MITF: variants seen among roughly 807,000 people sequenced by gnomAD.
MITF encodes the protein microphthalmia-associated transcription factor.
Under a neutral mutation model 60.5 loss-of-function variants are expected in MITF, and 17 were observed. The ratio of observed to expected loss-of-function variants is 0.28; its 90% CI spans 0.19 to 0.42. MITF has a LOEUF of 0.42. Ranked by LOEUF, MITF falls within the 10% of genes least tolerant of loss-of-function variation. The pLI is 1.00. For synonymous variants in MITF, 260 were observed against 248.5 expected (o/e 1.05, Z -0.43); for missense variants, 622 against 683.5 (o/e 0.91, Z 1.00).
rs144270663 is a variant in MITF, at chr3:69,913,566, A to G, written c.355-24256A>G. Among the ~76,000 whole-genome samples the G allele has an allele frequency of 3.8e-3, 583 of 152,344 alleles. 1 individual carries two copies. The highest frequency in any genetic ancestry group is 5.5e-3 in the Non-Finnish European group (371 of 68,020). ...AGTTGAGTTTGCATGAAGGTGACTC[A>G]GATTTCAGCCCTTGAGGTGCCTGAT... On this transcript the variant is annotated intron_variant, in intron 2 of 9. Coordinates refer to ENST00000352241, the MANE Select transcript of MITF (RefSeq NM_001354604.2).
At chr3:69,861,972 C>T (rs1392955942) in intron 1 of MITF, among the ~76,000 whole-genome samples, 2 of 151,756 alleles carry the variant, frequency 1.3e-5, no homozygotes, top group African/African-American at 4.8e-5. Context: ...CTTCTTTATT[C>T]AATAAATAAA....
chr3:69,792,755 T>A (rs59913237), intron 1 of MITF, among the ~76,000 whole-genome samples: 51,889 of 151,850 alleles, frequency 0.34, 9,655 homozygotes, highest in Non-Finnish European at 0.42. Flanking sequence ...AATGGCTAAT[T>A]TTTTTAATAG....
At chr3:69,947,608 A>G (rs747198878) in intron 5 of MITF, among the ~76,000 whole-genome samples, 3 of 152,116 alleles carry the variant, frequency 2.0e-5, no homozygotes, top group Non-Finnish European at 4.4e-5. Flanking sequence ...GTGCCTGTGT[A>G]TGGGGGTATG....
At chr3:69,817,279 C>G (rs1395063080) in intron 1 of MITF, among the ~76,000 whole-genome samples, 1 of 152,008 alleles carries the variant, frequency 6.6e-6, no homozygotes, top group Non-Finnish European at 1.5e-5. Flanking sequence ...CTGTCTCACC[C>G]CCTCAAAAGC....
chr3:69,897,200 G>C (rs1461401245), intron 2 of MITF, among the ~76,000 whole-genome samples: 1 of 152,116 alleles, frequency 6.6e-6, no homozygotes, highest in African/African-American at 2.4e-5. Flanking sequence ...GGTTAAGGTG[G>C]ACTTCTATGG....
At chr3:69,852,701 C>G (rs1161201304) in intron 1 of MITF, among the ~76,000 whole-genome samples, 1 of 152,176 alleles carries the variant, frequency 6.6e-6, no homozygotes, top group African/African-American at 2.4e-5. Flanking sequence ...GGTTATGAGG[C>G]ATGCACATGT....
chr3:69,741,989 T>C (rs139950620), intron 1 of MITF, among the ~76,000 whole-genome samples: 118 of 152,336 alleles, frequency 7.7e-4, no homozygotes, highest in African/African-American at 2.2e-3. Context: ...TCAACTGTCT[T>C]CTCTGGATTG....
At chr3:69,879,487 A>T (rs2064433303) in intron 2 of MITF, 104 bp downstream of exon 2, 1 of 1,558,646 alleles carries the variant, frequency 6.4e-7, no homozygotes, top group Admixed American at 1.9e-5. Context: ...CTGACCCTTC[A>T]GAATTATATT....
chr3:69,966,454 A>G lies in MITF; in HGVS notation c.*1206A>G, dbSNP rs1028304326. Reference sequence around the variant, plus strand: ...GGCTTTCTAGAAAGAATAAACTTACATATTTATTTTTAGGACATGAAAATA... The same window carrying G: ...GGCTTTCTAGAAAGAATAAACTTACGTATTTATTTTTAGGACATGAAAATA... On this transcript the variant is annotated 3_prime_UTR_variant, in exon 10 of 10. Coordinates refer to ENST00000352241, the MANE Select transcript of MITF (RefSeq NM_001354604.2). 6 of 232,726 alleles carry G rather than the reference A, an allele frequency of 2.6e-5. No individual in the cohort carries two copies. The highest frequency in any genetic ancestry group is 3.4e-5 in the Non-Finnish European group (4 of 117,572). 14.4% of individuals were successfully genotyped at this position (232,726 alleles called of 1,614,324 possible). A position where few individuals can be genotyped will look rare whatever the true frequency, so the allele number is the denominator to read the frequency against.
At chr3:69,789,106 G>A (rs963451906) in intron 1 of MITF, among the ~76,000 whole-genome samples, 1 of 152,000 alleles carries the variant, frequency 6.6e-6, no homozygotes, top group Non-Finnish European at 1.5e-5. Context: ...CAGTCTTCTA[G>A]GTGCTAGAAA....
At chr3:69,876,627 A>T (rs113568936) in intron 1 of MITF, among the ~76,000 whole-genome samples, 1 of 152,324 alleles carries the variant, frequency 6.6e-6, no homozygotes, top group African/African-American at 2.4e-5. Context: ...CATGATATTA[A>T]ATAATATGCA....
intron 1 of MITF, among the ~76,000 whole-genome samples, chr3:69,834,027 T>A (rs758889312): frequency 2.0e-5 from 3 of 152,196 alleles, no homozygotes; most frequent in Non-Finnish European, 2.9e-5. Context: ...ACTAATTTAT[T>A]TTTAAAATGG....
rs1039104226 is a variant in MITF, at chr3:69,781,608, C to T, written c.104+41907C>T. Among the ~76,000 whole-genome samples, 5 of 152,178 alleles carry T rather than the reference C, an allele frequency of 3.3e-5. No individual in the cohort carries two copies. The South Asian group carries it at 8.3e-4, about 25-fold the overall frequency. On this transcript the variant is annotated intron_variant, in intron 1 of 9. Coordinates refer to ENST00000352241, the MANE Select transcript of MITF (RefSeq NM_001354604.2). ...AATGTGGGAGTATACTGTATTTTTC[C>T]GATAAAGGGCCATTAACTCTGATCA...
At chr3:69,915,144 T>G (rs529863579) in intron 2 of MITF, among the ~76,000 whole-genome samples, 1 of 152,296 alleles carries the variant, frequency 6.6e-6, no homozygotes, top group African/African-American at 2.4e-5. Context: ...AGATAGTTAT[T>G]AAGCATAATA....
At position 69,839,937 on chromosome 3, in the gene MITF, G is replaced by A. The variant is rs556138264; in HGVS notation, c.105-39197G>A. Among the ~76,000 whole-genome samples the A allele has an allele frequency of 1.9e-3, 285 of 151,730 alleles. 1 individual carries two copies. The highest frequency in any genetic ancestry group is 6.5e-3 in the African/African-American group (270 of 41,390). ...TCTGAAACCCTGTTGCAAGGGCTGT[G>A]TGAAGTGGGAGGTTAATGTGGCCTC... On this transcript the variant is annotated intron_variant, in intron 1 of 9. Coordinates refer to ENST00000352241, the MANE Select transcript of MITF (RefSeq NM_001354604.2).
intron 2 of MITF, among the ~76,000 whole-genome samples, chr3:69,898,319 A>T (rs1168536793): frequency 6.6e-6 from 1 of 152,234 alleles, no homozygotes; most frequent in African/African-American, 2.4e-5. Context: ...CAGGCAAGAA[A>T]CAAAGAGAAG....
At chr3:69,862,386 C>G (rs900547974) in intron 1 of MITF, among the ~76,000 whole-genome samples, 6 of 151,954 alleles carry the variant, frequency 3.9e-5, no homozygotes, top group Admixed American at 3.3e-4. Context: ...AACATAGGAC[C>G]CAGCACATAG....
rs199578956 is a variant in MITF at position 69,965,174 on chromosome 3, G to A, written c.1507G>A (p.Val503Met). 6.2e-6 allele frequency: 10 copies of A among 1,613,818 alleles called. No individual in the cohort carries two copies. In the Admixed American group the frequency reaches 1.2e-4, roughly 19 times the overall value. ...TGTCACTGATCCACTCCTTTCCTCA[G>A]TGTCCCCCGGAGCTTCCAAAACAAG... ...VGVTDPLLSS[V>M]SPGASKTSSR... The change falls in exon 10 of 10, where the codon GTG becomes ATG. Residue 503 changes from valine (V) to methionine (M), a missense_variant. Physicochemically the swap from Val to Met is conservative, Grantham distance 21. Coordinates refer to ENST00000352241, the MANE Select transcript of MITF (RefSeq NM_001354604.2).
chr3:69,849,569 A>T (rs1035248144), intron 1 of MITF, among the ~76,000 whole-genome samples: 6 of 152,224 alleles, frequency 3.9e-5, no homozygotes, highest in African/African-American at 1.4e-4. Context: ...GCAGATGACG[A>T]TACTGAAGCT....
Sources: allele counts gnomAD v4.1 joint callset (sites outside exome capture counted in the v4.1 genomes callset), GRCh38; gene constraint gnomAD v4.1.1; transcripts MANE v1.5; gene names NCBI Gene and HGNC (gene_info 2026-07-23, HGNC 2026-07-21).